VWA5B1: variants seen among roughly 807,000 people sequenced by gnomAD.
The protein encoded by VWA5B1 is von Willebrand factor A domain containing 5B1.
Under a neutral mutation model 118.2 loss-of-function variants are expected in VWA5B1, and 115 were observed. The ratio of observed to expected loss-of-function variants is 0.97; its 90% CI spans 0.84 to 1.14. The LOEUF (loss-of-function observed/expected upper bound fraction) is 1.14, where lower values mean the gene tolerates loss of function less well. Among genes scored for constraint, VWA5B1 ranks in the 50% most tolerant of loss-of-function variants. VWA5B1 has a pLI of 0.00. For missense variants in VWA5B1, 1,596 were observed against 1,603.8 expected (o/e 1.00, Z 0.08); for synonymous variants, 682 against 658.4 (o/e 1.04, Z -0.55).
At position 20,342,609 on chromosome 1, in the gene VWA5B1, G is replaced by C; in HGVS notation, c.2311G>C (p.Glu771Gln). The change falls in exon 15 of 22, where the codon GAG becomes CAG. Residue 771 changes from glutamate (E) to glutamine (Q), a missense_variant and splice_region_variant. Transcript: ENST00000289815. The stretch of plus-strand genomic sequence containing the variant: ...TGACAGCCGAAGCCCTGGAGATCTG[G>C]GTAAGTGACCACAGGGTCCAGGACC... ...TSDSRSPGDL[E>Q]PSHHPSAFET... The C allele has an allele frequency of 6.8e-7, 1 of 1,478,058 alleles. No individual in the cohort carries two copies. The highest frequency in any genetic ancestry group is 9.0e-7 in the Non-Finnish European group (1 of 1,114,946). The allele number at this position is 1,478,058 out of a possible 1,614,324, so 91.6% of individuals were successfully genotyped here.
At position 20,300,281 on chromosome 1, in the gene VWA5B1, G is replaced by A. The variant is rs764410533; in HGVS notation, c.-27+9193G>A. 9.9e-5 allele frequency among the ~76,000 whole-genome samples: 15 copies of A among 152,132 alleles called. 1 individual carries two copies. The South Asian group carries it at 1.2e-3, about 13-fold the overall frequency. On this transcript the variant is annotated intron_variant, in intron 1 of 21. Transcript: ENST00000289815. The stretch of plus-strand genomic sequence containing the variant: ...ACACACAGATCCCTTCAACTGGGCG[G>A]GGTGCATGAGGAATGAGTATACATC...
chr1:20,300,623 G>A (rs1023100002), intron 1 of VWA5B1, among the ~76,000 whole-genome samples: 1 of 152,188 alleles, frequency 6.6e-6, no homozygotes, highest in Non-Finnish European at 1.5e-5. Flanking sequence ...TCTGCAAAAT[G>A]GGGATAATAG....
intron 1 of VWA5B1, among the ~76,000 whole-genome samples, chr1:20,301,502 CCT>C (rs1281450082): frequency 6.6e-6 from 1 of 152,208 alleles, no homozygotes; most frequent in Non-Finnish European, 1.5e-5. Flanking sequence ...CACTTCCAAG[CCT>C]GTCATTTTAC....
Position 20,310,690 on chromosome 1 carries a change from G to T in VWA5B1, c.89G>T (p.Gly30Val). 6.4e-7 allele frequency: 1 copy of T among 1,550,960 alleles called. No homozygotes were observed. ...TCCTGTGTCAGCGGTTATGCCCTGG[G>T]CCTAACTGCCTCCCTCACCTATGGC... ...VTSCVSGYAL[G>V]LTASLTYGNL... The change falls in exon 2 of 22, where the codon GGC (glycine) becomes GTC (valine). Residue 30 changes from glycine (G) to valine (V), a missense_variant. Gly to Val is a moderately radical substitution (Grantham distance 109). Coordinates refer to ENST00000289815, the MANE Select transcript of VWA5B1 (RefSeq NM_001039500.3).
At chr1:20,311,114 G>A (rs571230082) in intron 2 of VWA5B1, among the ~76,000 whole-genome samples, 11 of 152,238 alleles carry the variant, frequency 7.2e-5, no homozygotes, top group South Asian at 2.1e-4. Context: ...CTGGGACTAC[G>A]GGCATGTGCC....
chr1:20,326,372 T>C (rs1158412296), intron 8 of VWA5B1, among the ~76,000 whole-genome samples: 1 of 149,242 alleles, frequency 6.7e-6, no homozygotes, highest in Non-Finnish European at 1.5e-5. Context: ...ATAAACAAGA[T>C]GGGGGACATG....
intron 6 of VWA5B1, among the ~76,000 whole-genome samples, chr1:20,319,018 A>G (rs570607892): frequency 6.6e-6 from 1 of 152,290 alleles, no homozygotes; most frequent in East Asian, 1.9e-4. Flanking sequence ...TTTGAAACCC[A>G]AAGCTCAGTG....
chr1:20,313,890 G>C (rs1322221497), intron 3 of VWA5B1, among the ~76,000 whole-genome samples: 1 of 152,172 alleles, frequency 6.6e-6, no homozygotes, highest in Non-Finnish European at 1.5e-5. Context: ...CCAGATCAGG[G>C]ACCAAGGAGG....
At chr1:20,317,846 G>A (rs1442001998) in intron 5 of VWA5B1, among the ~76,000 whole-genome samples, 171 bp downstream of exon 5, 1 of 151,984 alleles carries the variant, frequency 6.6e-6, no homozygotes, top group African/African-American at 2.4e-5. Flanking sequence ...GCAGCCCAAA[G>A]ATAAGTCCCT....
intron 2 of VWA5B1, among the ~76,000 whole-genome samples, chr1:20,311,041 C>T (rs1253698379): frequency 7.2e-5 from 11 of 152,300 alleles, no homozygotes; most frequent in East Asian, 5.8e-4. Context: ...GGTGCGATCA[C>T]GGCTCACTGC....
chr1:20,322,046 C>CGA (rs1185087644), intron 7 of VWA5B1, among the ~76,000 whole-genome samples: 2 of 151,938 alleles, frequency 1.3e-5, no homozygotes, highest in African/African-American at 4.8e-5. Flanking sequence ...TTGCAAAGGT[C>CGA]GAGAGAGAGA....
chr1:20,315,333 G>C (rs755047403), intron 4 of VWA5B1, among the ~76,000 whole-genome samples: 2 of 152,214 alleles, frequency 1.3e-5, no homozygotes, highest in Non-Finnish European at 2.9e-5. Context: ...CTAAGACTGC[G>C]TTTCTCCCAA....
At chr1:20,300,410 T>A (rs933175578) in intron 1 of VWA5B1, among the ~76,000 whole-genome samples, 1 of 152,090 alleles carries the variant, frequency 6.6e-6, no homozygotes, top group Non-Finnish European at 1.5e-5. Flanking sequence ...CTCTTGTTGT[T>A]AGATAAAGAT....
chr1:20,295,490 A>T (rs1311977923), intron 1 of VWA5B1, among the ~76,000 whole-genome samples: 1 of 152,208 alleles, frequency 6.6e-6, no homozygotes, highest in African/African-American at 2.4e-5. Context: ...GAAGGATCCT[A>T]GTCCCCAGTC....
At chr1:20,341,167 A>C (rs2089865637) in intron 14 of VWA5B1, among the ~76,000 whole-genome samples, 1 of 152,202 alleles carries the variant, frequency 6.6e-6, no homozygotes, top group African/African-American at 2.4e-5. Context: ...ATTGCATGGG[A>C]TATACCAGAA....
At chr1:20,352,462 G>A (rs776361789) in intron 21 of VWA5B1, among the ~76,000 whole-genome samples, 14 of 152,166 alleles carry the variant, frequency 9.2e-5, no homozygotes, top group Non-Finnish European at 1.6e-4. Context: ...TTAAAAATTC[G>A]TGGGAATTTT....
rs1195342710 is a variant in VWA5B1 at position 20,332,764 on chromosome 1, A to G, written c.1573-2A>G. The G allele has an allele frequency of 4.5e-6, 7 of 1,551,376 alleles. No individual in the cohort carries two copies. Among genetic ancestry groups the G allele is most frequent in the Non-Finnish European group, 6.1e-6 (7 of 1,146,872 alleles). On this transcript the variant is annotated splice_acceptor_variant, in intron 11 of 21. Transcript: ENST00000289815. LOFTEE classifies it high-confidence loss of function. ...CAACTGCATTCTGACCCTGCCCTAC[A>G]GATGGTCAAATCCTTGAAGAAGGCC...
chr1:20,290,926 T>C lies in VWA5B1; in HGVS notation c.-189T>C, dbSNP rs12738826. 0.22 allele frequency: 33,870 copies of C among 152,348 alleles called. 4,356 individuals carry two copies. The highest frequency in any genetic ancestry group is 0.39 in the East Asian group (2,031 of 5,156). 9.4% of individuals were successfully genotyped at this position (152,348 alleles called of 1,614,324 possible). On this transcript the variant is annotated 5_prime_UTR_variant, in exon 1 of 22. It removes an upstream start codon present in the reference 5' UTR. Transcript: ENST00000289815. Reference sequence around the variant, plus strand: ...CAGGCCACCTAAACAGCTATCGCAATGTGGGCATTGATCAAGCCAGCTGCC... The same window carrying C: ...CAGGCCACCTAAACAGCTATCGCAACGTGGGCATTGATCAAGCCAGCTGCC...
At chr1:20,293,324 G>A (rs2088347142) in intron 1 of VWA5B1, among the ~76,000 whole-genome samples, 1 of 152,196 alleles carries the variant, frequency 6.6e-6, no homozygotes. Flanking sequence ...GCGAATGCTG[G>A]TTATGGCTCT....
Sources: gnomAD v4.1 joint callset for allele counts (sites outside exome capture counted in the v4.1 genomes callset) on GRCh38, gnomAD v4.1.1 for gene constraint, MANE v1.5 for transcripts, NCBI Gene and HGNC (gene_info 2026-07-23, HGNC 2026-07-21) for gene names.